The following CAST variants were observed in gnomAD, a reference collection of about 807,000 sequenced individuals.
CAST encodes the protein MIR583 host.
In CAST, 76 loss-of-function variants were observed where a neutral mutation model predicts 119.6. The ratio of observed to expected loss-of-function variants is 0.64; its 90% confidence interval spans 0.53 to 0.77. CAST has a LOEUF of 0.77. CAST is among the 30% of genes least tolerant of loss of function. The probability of loss-of-function intolerance (pLI) is 0.00; values close to 1 mark genes in which losing one functional copy is unlikely to be tolerated. For missense variants in CAST, 953 were observed against 946.5 expected (o/e 1.01, Z -0.09); for synonymous variants, 319 against 331.6 (o/e 0.96, Z 0.41).
chr5:96,609,896 G>A (rs1437265270), intron 1 of CAST, among the ~76,000 whole-genome samples: 4 of 152,092 alleles, frequency 2.6e-5, no homozygotes, highest in Non-Finnish European at 5.9e-5. Flanking sequence ...TAAGACTTTG[G>A]GGGACTGTGG....
At chr5:96,709,881 G>A (rs111786922) in intron 3 of CAST, among the ~76,000 whole-genome samples, 16 of 152,198 alleles carry the variant, frequency 1.1e-4, no homozygotes, top group African/African-American at 3.6e-4. Flanking sequence ...AGCATTAGGG[G>A]TTCCCCAATA....
At chr5:96,170,958 G>A in the CAST span, among the ~76,000 whole-genome samples, 4 of 152,244 alleles carry the variant, frequency 2.6e-5, no homozygotes, top group South Asian at 2.1e-4. Flanking sequence ...TCGGCCTGGC[G>A]AGGAGCAGCC....
chr5:95,979,260 T>C, the CAST span, among the ~76,000 whole-genome samples: 1 of 152,164 alleles, frequency 6.6e-6, no homozygotes, highest in African/African-American at 2.4e-5. Context: ...CAATTATATA[T>C]ATATAAATGC....
chr5:96,311,209 GTTTCA>G, the CAST span, among the ~76,000 whole-genome samples: 79 of 151,992 alleles, frequency 5.2e-4, no homozygotes, highest in Admixed American at 4.0e-3. Flanking sequence ...GGAACATGTT[GTTTCA>G]TTTCATATAT....
the CAST span, among the ~76,000 whole-genome samples, chr5:96,492,172 A>G: frequency 1.3e-5 from 2 of 152,362 alleles, no homozygotes; most frequent in Non-Finnish European, 2.9e-5. Context: ...TCACCTTTTA[A>G]AAAAGCATTT....
the CAST span, among the ~76,000 whole-genome samples, chr5:96,164,245 TAGAA>T: frequency 1.3e-5 from 2 of 152,154 alleles, no homozygotes; most frequent in Admixed American, 1.3e-4. Flanking sequence ...AAAGAAAGAA[TAGAA>T]AGAATAAAAG....
the CAST span, among the ~76,000 whole-genome samples, chr5:95,986,543 T>C: frequency 2.0e-5 from 3 of 152,184 alleles, no homozygotes; most frequent in African/African-American, 4.8e-5. Flanking sequence ...GGAGTACATA[T>C]GGATATGGTA....
the CAST span, among the ~76,000 whole-genome samples, chr5:96,106,604 C>G: frequency 2.0e-5 from 3 of 147,462 alleles, no homozygotes; most frequent in Non-Finnish European, 4.5e-5. Flanking sequence ...GTTATAATTT[C>G]TGTTCTTTTA....
At chr5:96,685,391 A>G (rs1399088556) in intron 2 of CAST, among the ~76,000 whole-genome samples, 1 of 152,196 alleles carries the variant, frequency 6.6e-6, no homozygotes, top group African/African-American at 2.4e-5. Flanking sequence ...CTGGTTCAAA[A>G]GGGACAATAA....
the CAST span, among the ~76,000 whole-genome samples, chr5:96,013,731 A>G: frequency 6.6e-6 from 1 of 152,186 alleles, no homozygotes; most frequent in Non-Finnish European, 1.5e-5. Flanking sequence ...GTACAAAATT[A>G]TAATACAATG....
the CAST span, among the ~76,000 whole-genome samples, chr5:96,068,631 A>T: frequency 7.3e-6 from 1 of 137,336 alleles, no homozygotes; most frequent in South Asian, 2.4e-4. Context: ...GTGTGTGTAT[A>T]ATATGTGTAT....
the CAST span, among the ~76,000 whole-genome samples, chr5:96,430,742 G>A: frequency 1.3e-5 from 2 of 152,126 alleles, no homozygotes. Flanking sequence ...TAAAACTTTT[G>A]TTAGTAATGC....
the CAST span, among the ~76,000 whole-genome samples, chr5:96,356,591 T>G: frequency 0.01 from 1,563 of 152,320 alleles, 26 homozygotes; most frequent in African/African-American, 0.036. Flanking sequence ...AAATAGGGAA[T>G]CCTTTCCCCA....
the CAST span, among the ~76,000 whole-genome samples, chr5:96,205,518 T>C: frequency 2.1e-4 from 32 of 152,118 alleles, no homozygotes; most frequent in African/African-American, 7.5e-4. Context: ...TCTTTGTGTC[T>C]GTGTTTACTC....
chr5:95,993,477 C>T, the CAST span, among the ~76,000 whole-genome samples: 2 of 152,086 alleles, frequency 1.3e-5, no homozygotes, highest in East Asian at 1.9e-4. Flanking sequence ...GGTGCATTTG[C>T]TAGCCAGTGG....
chr5:96,575,955 G>C (rs928758801), intron 1 of CAST, among the ~76,000 whole-genome samples: 1 of 152,092 alleles, frequency 6.6e-6, no homozygotes, highest in African/African-American at 2.4e-5. Context: ...TGCTTCAATT[G>C]ATATGACCAT....
intron 2 of CAST, among the ~76,000 whole-genome samples, chr5:96,691,991 A>T (rs1400860101): frequency 1.3e-5 from 2 of 152,214 alleles, no homozygotes; most frequent in Non-Finnish European, 2.9e-5. Context: ...TTGACTCAGT[A>T]AAAAATTTTT....
At chr5:96,702,837 C>G (rs931408408) in intron 3 of CAST, 1 of 985,358 alleles carries the variant, frequency 1.0e-6, no homozygotes, top group East Asian at 1.1e-4. Flanking sequence ...AAGCGGAAAC[C>G]GCGGGAGCCG....
chr5:96,095,364 G>A, the CAST span, among the ~76,000 whole-genome samples: 18 of 151,620 alleles, frequency 1.2e-4, no homozygotes, highest in African/African-American at 3.9e-4. Context: ...TGAGAGGATC[G>A]CTGGAGGCCA....
Sources: gnomAD v4.1 joint callset for allele counts (sites outside exome capture counted in the v4.1 genomes callset) on GRCh38, gnomAD v4.1.1 for gene constraint, MANE v1.5 for transcripts, NCBI Gene and HGNC (gene_info 2026-07-23, HGNC 2026-07-21) for gene names.